NHLRC2: variants seen among roughly 807,000 people sequenced by gnomAD.
NHLRC2 encodes the protein NHL repeat containing 2.
In NHLRC2, 33 loss-of-function variants were observed where a neutral mutation model predicts 68.1. That is an observed-to-expected ratio of 0.48 (90% CI 0.37 to 0.65). The LOEUF (loss-of-function observed/expected upper bound fraction) is 0.65. NHLRC2 is among the 30% of genes least tolerant of loss of function. The pLI, the probability that NHLRC2 is intolerant of heterozygous loss-of-function variation, is 0.00. For missense variants in NHLRC2, 761 were observed against 853.8 expected (o/e 0.89, Z 1.35); for synonymous variants, 311 against 309.6 (o/e 1.00, Z -0.05).
chr10:113,907,253 C>T (rs1277706426), intron 10 of NHLRC2, among the ~76,000 whole-genome samples: 3 of 152,160 alleles, frequency 2.0e-5, no homozygotes, highest in Non-Finnish European at 4.4e-5. Context: ...CTAAAAGAGA[C>T]ATCAAGAGGA....
chr10:113,869,127 A>T (rs560573131), intron 2 of NHLRC2, among the ~76,000 whole-genome samples: 1 of 152,310 alleles, frequency 6.6e-6, no homozygotes, highest in East Asian at 1.9e-4. Flanking sequence ...GGATATGGGA[A>T]ATCTGTGACA....
intron 1 of NHLRC2, among the ~76,000 whole-genome samples, chr10:113,856,005 C>T (rs1845753282): frequency 6.6e-6 from 1 of 152,154 alleles, no homozygotes; most frequent in African/African-American, 2.4e-5. Context: ...CCTGGATTTG[C>T]TGGTTTCTTA....
In NHLRC2 at chr10:113,913,974, A is replaced by C. The variant is rs1846353523; in HGVS notation, c.*5438A>C. 1 of 151,182 alleles carries C rather than the reference A, an allele frequency of 6.6e-6. No individual in the cohort carries two copies. The highest frequency in any genetic ancestry group is 6.6e-5 in the Admixed American group (1 of 15,154). 9.4% of individuals were successfully genotyped at this position (151,182 alleles called of 1,614,324 possible). A position where few individuals can be genotyped will look rare whatever the true frequency, so the allele number is the denominator to read the frequency against. ...GTGATCCTCCTGCCTCAGCCTCCCAAGTAGCTGGCGCTCACCACTACTGGT... is the reference window on the plus strand; with the variant it reads ...GTGATCCTCCTGCCTCAGCCTCCCACGTAGCTGGCGCTCACCACTACTGGT... On this transcript the variant is annotated 3_prime_UTR_variant, in exon 11 of 11. Transcript: ENST00000369301.
intron 2 of NHLRC2, among the ~76,000 whole-genome samples, chr10:113,866,115 T>C (rs1194211122): frequency 2.0e-5 from 3 of 152,242 alleles, no homozygotes; most frequent in African/African-American, 7.2e-5. Flanking sequence ...ACTTGCTTCC[T>C]CTAAATCAGC....
At chr10:113,902,989 C>T (rs1387693888) in intron 8 of NHLRC2, among the ~76,000 whole-genome samples, 2 of 152,152 alleles carry the variant, frequency 1.3e-5, no homozygotes, top group Non-Finnish European at 2.9e-5. Context: ...TCAGCATTTC[C>T]ATTTTTGTCT....
intron 6 of NHLRC2, among the ~76,000 whole-genome samples, chr10:113,900,307 G>A (rs977854250): frequency 3.3e-5 from 5 of 152,222 alleles, no homozygotes; most frequent in African/African-American, 7.2e-5. Context: ...AGAGATGATA[G>A]TAGCCTGAAC....
chr10:113,895,504 C>A (rs1360045507), intron 5 of NHLRC2, among the ~76,000 whole-genome samples: 1 of 152,106 alleles, frequency 6.6e-6, no homozygotes, highest in Non-Finnish European at 1.5e-5. Context: ...AGGGAAGAAG[C>A]TTGAGCAGAG....
At chr10:113,880,471 T>C (rs769144001) in intron 4 of NHLRC2, among the ~76,000 whole-genome samples, 2 of 151,958 alleles carry the variant, frequency 1.3e-5, no homozygotes, top group Non-Finnish European at 2.9e-5. Flanking sequence ...GGCTAAACCA[T>C]TGGTCTTTAA....
intron 5 of NHLRC2, among the ~76,000 whole-genome samples, chr10:113,891,337 C>T (rs965889860): frequency 1.3e-5 from 2 of 152,200 alleles, no homozygotes; most frequent in South Asian, 2.1e-4. Context: ...GGACTATCCT[C>T]GAGTCTGTTT....
chr10:113,890,642 C>A (rs1162261606), intron 5 of NHLRC2, among the ~76,000 whole-genome samples: 1 of 152,088 alleles, frequency 6.6e-6, no homozygotes, highest in Non-Finnish European at 1.5e-5. Flanking sequence ...ATAACTCTTG[C>A]ATATTGTGTT....
intron 3 of NHLRC2, among the ~76,000 whole-genome samples, chr10:113,879,030 C>T (rs987804035): frequency 6.6e-6 from 1 of 152,186 alleles, no homozygotes; most frequent in African/African-American, 2.4e-5. Flanking sequence ...GAGAGGTGGA[C>T]TAGAATCACT....
chr10:113,865,280 A>AAC (rs1845855170), intron 2 of NHLRC2, among the ~76,000 whole-genome samples: 1 of 127,060 alleles, frequency 7.9e-6, no homozygotes, highest in African/African-American at 3.3e-5. Flanking sequence ...ATCGCTTTTC[A>AAC]TCCCCCCCCC....
intron 3 of NHLRC2, 125 bp from the exon 4 acceptor site, chr10:113,879,449 T>G: frequency 1.3e-6 from 1 of 793,108 alleles, no homozygotes; most frequent in Non-Finnish European, 2.0e-6. Flanking sequence ...GGGGAACATT[T>G]TAGTTTTTAG....
intron 2 of NHLRC2, among the ~76,000 whole-genome samples, chr10:113,872,919 G>A (rs1845941068): frequency 6.6e-6 from 1 of 152,044 alleles, no homozygotes; most frequent in African/African-American, 2.4e-5. Context: ...AAACTTTCTG[G>A]AAAGAAAAGA....
intron 2 of NHLRC2, among the ~76,000 whole-genome samples, chr10:113,865,597 C>CTT (rs59697946): frequency 7.6e-4 from 82 of 108,428 alleles, no homozygotes; most frequent in African/African-American, 2.3e-3. Context: ...ATAACTTCGA[C>CTT]TTTTTTTTTT....
rs1286724087 is a variant in NHLRC2, at chr10:113,914,273, TCTC to T, written c.*5740_*5742del. 6.6e-6 allele frequency: 1 copy of T among 151,892 alleles called. No individual in the cohort carries two copies. Among genetic ancestry groups the T allele is most frequent in the African/African-American group, 2.4e-5 (1 of 41,272 alleles). 9.4% of individuals were successfully genotyped at this position (151,892 alleles called of 1,614,324 possible). ...CCTCCACTTCCTGTGTTCAAGCAAT[TCTC>T]CTGCCTCAGCCTCCTGAGTAGCTGG... On this transcript the variant is annotated 3_prime_UTR_variant, in exon 11 of 11. Coordinates refer to ENST00000369301, the MANE Select transcript of NHLRC2 (RefSeq NM_198514.4).
intron 2 of NHLRC2, among the ~76,000 whole-genome samples, chr10:113,865,683 T>TA (rs1348361995): frequency 6.6e-6 from 1 of 151,810 alleles, no homozygotes; most frequent in South Asian, 2.1e-4. Flanking sequence ...TTTTAACCAT[T>TA]AAAAAATATT....
In NHLRC2 at chr10:113,914,915, C is replaced by T. The variant is rs1182674641; in HGVS notation, c.*6379C>T. The T allele has an allele frequency of 4.5e-6, 2 of 447,030 alleles. No homozygotes were observed. Among genetic ancestry groups the T allele is most frequent in the African/African-American group, 4.0e-5 (2 of 49,472 alleles). The allele number at this position is 447,030 out of a possible 1,614,324, so 27.7% of individuals were successfully genotyped here. ...TATTCCATGGCTAACAAACCCTGGC[C>T]CCTTTACATATGAGCTCTGGAGGTT... On this transcript the variant is annotated 3_prime_UTR_variant, in exon 11 of 11. Coordinates refer to ENST00000369301, the MANE Select transcript of NHLRC2 (RefSeq NM_198514.4).
Position 113,876,827 on chromosome 10 carries a change from T to C in NHLRC2, c.638T>C (p.Leu213Pro). The C allele has an allele frequency of 6.2e-7, 1 of 1,613,008 alleles. No individual in the cohort carries two copies. The highest frequency in any genetic ancestry group is 1.1e-5 in the South Asian group (1 of 91,062). The change falls in exon 3 of 11, where the codon CTC becomes CCC. Residue 213 changes from leucine to proline, a missense_variant. Coordinates refer to ENST00000369301, the MANE Select transcript of NHLRC2 (RefSeq NM_198514.4). ...QIRDNKIGIK[L>P]YKDSLPPSPL... is the part of the protein sequence containing the mutation. Reference sequence around the variant, plus strand: ...AGAGATAATAAAATTGGAATAAAACTCTATAAAGATTCTTTGCCACCTTCA... The same window carrying C: ...AGAGATAATAAAATTGGAATAAAACCCTATAAAGATTCTTTGCCACCTTCA...
Sources: allele counts gnomAD v4.1 joint callset (sites outside exome capture counted in the v4.1 genomes callset), GRCh38; gene constraint gnomAD v4.1.1; transcripts MANE v1.5; gene names NCBI Gene and HGNC (gene_info 2026-07-23, HGNC 2026-07-21).